ZNF106: variants seen among roughly 807,000 people sequenced by gnomAD.
The protein encoded by ZNF106 is zinc finger protein 106, also known as SH3-domain binding protein 3.
Under a neutral mutation model 195.1 loss-of-function variants are expected in ZNF106, and 67 were observed. The observed-to-expected ratio is 0.34, with a 90% CI of 0.28 to 0.42. The LOEUF is 0.42. Ranked by LOEUF, ZNF106 falls within the 10% of genes least tolerant of loss-of-function variation. ZNF106 has a pLI of 1.00. For synonymous variants in ZNF106, 784 were observed against 818.6 expected (o/e 0.96, Z 0.72); for missense variants, 2,118 against 2,304.5 (o/e 0.92, Z 1.66).
At chr15:42,457,509 A>C (rs754100313) in intron 3 of ZNF106, 169 of 1,146,750 alleles carry the variant, frequency 1.5e-4, no homozygotes, top group Non-Finnish European at 1.3e-4. Context: ...GCTCTGGAGC[A>C]CACCCATGGT....
chr15:42,429,911 C>T (rs1247156090), intron 14 of ZNF106, among the ~76,000 whole-genome samples: 1 of 151,994 alleles, frequency 6.6e-6, no homozygotes. Context: ...ACTGATATGA[C>T]AGCTAAGCAC....
intron 13 of ZNF106, among the ~76,000 whole-genome samples, chr15:42,436,741 A>T (rs2055286208): frequency 6.6e-6 from 1 of 152,148 alleles, no homozygotes; most frequent in South Asian, 2.1e-4. Context: ...GTAATCAATC[A>T]CTTGTCAGGG....
rs1296278836 is a variant in ZNF106, at chr15:42,477,935, GT to G, written c.-32-5615del. 2.6e-5 allele frequency among the ~76,000 whole-genome samples: 4 copies of G among 151,550 alleles called. No homozygotes were observed. The East Asian group carries it at 7.8e-4, about 29-fold the overall frequency. On this transcript the variant is annotated intron_variant, in intron 1 of 21. Transcript: ENST00000564754. The stretch of plus-strand genomic sequence containing the variant: ...AAACAAAAAAAACTTACATTAGTGT[GT>G]TACATTTGTCACAATTAACAAACCA...
chr15:42,424,074 T>G lies in ZNF106; in HGVS notation c.5191-14A>C. On this transcript the variant is annotated splice_polypyrimidine_tract_variant and intron_variant, in intron 16 of 21. Coordinates refer to ENST00000564754, the MANE Select transcript of ZNF106 (RefSeq NM_001366845.3). The stretch of plus-strand genomic sequence containing the variant: ...ATCATTCACCACCTTAAAGAAAAAA[T>G]TAAACAAGTCAGATTCTGTATACGG... 1 of 1,610,380 alleles carries G rather than the reference T, an allele frequency of 6.2e-7. No individual in the cohort carries two copies. Among genetic ancestry groups the G allele is most frequent in the Non-Finnish European group, 8.5e-7 (1 of 1,178,674 alleles).
intron 3 of ZNF106, chr15:42,457,574 G>C: frequency 9.9e-7 from 1 of 1,006,034 alleles, no homozygotes. Flanking sequence ...CTTTAGTCTA[G>C]AGCTTTCTTC....
At chr15:42,427,788 T>C (rs2054908823) in intron 15 of ZNF106, 3 of 359,622 alleles carry the variant, frequency 8.3e-6, no homozygotes, top group Non-Finnish European at 1.6e-5. Context: ...TCAGACTTGG[T>C]TTAATTTAGT....
intron 1 of ZNF106, among the ~76,000 whole-genome samples, chr15:42,483,088 C>A (rs1200855459): frequency 6.6e-6 from 1 of 152,136 alleles, no homozygotes; most frequent in African/African-American, 2.4e-5. Flanking sequence ...TCAGGGCCTG[C>A]CCTAAAGTTA....
At chr15:42,465,301 G>A (rs2056490429) in intron 3 of ZNF106, among the ~76,000 whole-genome samples, 1 of 151,556 alleles carries the variant, frequency 6.6e-6, no homozygotes, top group Non-Finnish European at 1.5e-5. Context: ...TTTTGAGACA[G>A]GGTCTCACTG....
intron 2 of ZNF106, among the ~76,000 whole-genome samples, chr15:42,467,326 G>A (rs958976880): frequency 2.6e-5 from 4 of 152,122 alleles, no homozygotes; most frequent in Non-Finnish European, 4.4e-5. Flanking sequence ...ACTGCATTCC[G>A]TGTGAAGTCC....
At chr15:42,420,103 G>A (rs908061240) in intron 20 of ZNF106, among the ~76,000 whole-genome samples, 10 of 152,146 alleles carry the variant, frequency 6.6e-5, no homozygotes, top group African/African-American at 9.7e-5. Flanking sequence ...TCGTTCAGTA[G>A]TGCCTCCTTA....
chr15:42,461,902 T>C (rs1399826218), intron 3 of ZNF106, among the ~76,000 whole-genome samples: 1 of 152,204 alleles, frequency 6.6e-6, no homozygotes, highest in East Asian at 1.9e-4. Flanking sequence ...TTACAGTAAA[T>C]GCTCCAAGTC....
At chr15:42,473,246 T>C (rs894732246) in intron 1 of ZNF106, among the ~76,000 whole-genome samples, 4 of 152,148 alleles carry the variant, frequency 2.6e-5, no homozygotes, top group African/African-American at 7.2e-5. Flanking sequence ...TCCACAACAC[T>C]TTTGGTCCCA....
intron 4 of ZNF106, among the ~76,000 whole-genome samples, chr15:42,452,931 C>G (rs369764317): frequency 1.3e-5 from 2 of 152,032 alleles, no homozygotes; most frequent in South Asian, 2.1e-4. Flanking sequence ...GGTAATCCAC[C>G]CACCGCGGCC....
intron 17 of ZNF106, 131 bp from the exon 18 acceptor site, chr15:42,422,751 A>ATTATAT: frequency 1.1e-6 from 1 of 932,916 alleles, no homozygotes; most frequent in Non-Finnish European, 1.5e-6. Flanking sequence ...AATTGTATTA[A>ATTATAT]CTGTACAAAT....
At chr15:42,458,046 G>C (rs537022345) in intron 3 of ZNF106, among the ~76,000 whole-genome samples, 2 of 152,106 alleles carry the variant, frequency 1.3e-5, no homozygotes, top group African/African-American at 4.8e-5. Context: ...TCCCTTGACT[G>C]GGTCAGCTGA....
Position 42,414,670 on chromosome 15 carries a change from CAA to C in ZNF106, c.*2632_*2633del, listed in dbSNP as rs778251780. 7.9e-5 allele frequency: 12 copies of C among 152,308 alleles called. No individual in the cohort carries two copies. Among genetic ancestry groups the C allele is most frequent in the Non-Finnish European group, 1.5e-4 (10 of 68,096 alleles). The allele number at this position is 152,308 out of a possible 1,614,324, so 9.4% of individuals were successfully genotyped here. On this transcript the variant is annotated 3_prime_UTR_variant, in exon 22 of 22. Transcript: ENST00000564754. The stretch of plus-strand genomic sequence containing the variant: ...CCTCACCTACCCGTTTCCTGCTGCA[CAA>C]AGTCTCCTTCACTCTCATCTTTTCG...
At chr15:42,459,528 C>A (rs1315583707) in intron 3 of ZNF106, among the ~76,000 whole-genome samples, 1 of 152,026 alleles carries the variant, frequency 6.6e-6, no homozygotes, top group East Asian at 1.9e-4. Context: ...CTCCAGTTTA[C>A]CAGGGATACC....
intron 1 of ZNF106, among the ~76,000 whole-genome samples, chr15:42,478,157 T>C (rs1427898382): frequency 1.3e-5 from 2 of 151,918 alleles, no homozygotes; most frequent in Admixed American, 6.6e-5. Context: ...CCAATATTGA[T>C]ACATTGTTAT....
At chr15:42,456,477 C>T (rs2056230739) in intron 4 of ZNF106, among the ~76,000 whole-genome samples, 1 of 151,898 alleles carries the variant, frequency 6.6e-6, no homozygotes, top group Non-Finnish European at 1.5e-5. Flanking sequence ...GGTTAAACCT[C>T]GTCTCTACTA....
Sources: gnomAD v4.1 joint callset for allele counts (sites outside exome capture counted in the v4.1 genomes callset) on GRCh38, gnomAD v4.1.1 for gene constraint, MANE v1.5 for transcripts, NCBI Gene and HGNC (gene_info 2026-07-23, HGNC 2026-07-21) for gene names.